FRAS1: variants seen among roughly 807,000 people sequenced by gnomAD.
FRAS1 encodes the protein extracellular matrix organizing protein FRAS1.
In FRAS1, 290 loss-of-function variants were observed where a neutral mutation model predicts 435.2. The observed-to-expected ratio is 0.67, with a 90% confidence interval of 0.61 to 0.73. The LOEUF (loss-of-function observed/expected upper bound fraction) is 0.73. FRAS1 is among the 30% of genes least tolerant of loss of function. The pLI is 0.00. For missense variants in FRAS1, 4,860 were observed against 5,001.5 expected, an observed-to-expected ratio of 0.97 and a Z score of 0.85; for synonymous variants, 1,800 against 1,851.0, an observed-to-expected ratio of 0.97 and a Z score of 0.71.
At chr4:78,378,285 T>C (rs1041590825) in intron 26 of FRAS1, among the ~76,000 whole-genome samples, 1 of 152,184 alleles carries the variant, frequency 6.6e-6, no homozygotes, top group Non-Finnish European at 1.5e-5. Flanking sequence ...TGAGTAATAT[T>C]ACATTTTGTG....
intron 47 of FRAS1, among the ~76,000 whole-genome samples, chr4:78,452,972 C>T (rs1719072015): frequency 6.6e-6 from 1 of 152,138 alleles, no homozygotes; most frequent in African/African-American, 2.4e-5. Flanking sequence ...TAAGAGTGCC[C>T]TTGGAAGGCA....
chr4:78,472,943 T>A (rs1196527071), intron 52 of FRAS1, among the ~76,000 whole-genome samples: 1 of 152,206 alleles, frequency 6.6e-6, no homozygotes, highest in Non-Finnish European at 1.5e-5. Context: ...TCCTCAATTG[T>A]ATGTTCTCTC....
intron 2 of FRAS1, among the ~76,000 whole-genome samples, chr4:78,135,801 T>C (rs1469987550): frequency 2.0e-5 from 3 of 152,202 alleles, no homozygotes; most frequent in African/African-American, 4.8e-5. Flanking sequence ...CAACTGTATG[T>C]GGAAGTCCGG....
chr4:78,476,241 T>C (rs1335519405), intron 54 of FRAS1, among the ~76,000 whole-genome samples: 1 of 152,180 alleles, frequency 6.6e-6, no homozygotes, highest in Non-Finnish European at 1.5e-5. Context: ...AAAGAGCAGG[T>C]TGACCACTGT....
chr4:78,200,525 C>T (rs1337472549), intron 2 of FRAS1, among the ~76,000 whole-genome samples: 1 of 152,138 alleles, frequency 6.6e-6, no homozygotes, highest in Non-Finnish European at 1.5e-5. Flanking sequence ...ACTTCTAACA[C>T]GTACTTGGAG....
chr4:78,507,421 G>T lies in FRAS1; in HGVS notation c.9317G>T (p.Gly3106Val). 1 of 1,609,188 alleles carries T rather than the reference G, an allele frequency of 6.2e-7. No homozygotes were observed. The highest frequency in any genetic ancestry group is 1.3e-5 in the African/African-American group (1 of 74,782). ...TCTTTTTGTTCTGTCCTTGGCGAAGGTGTGGATCATATCTTTTTTAAAGTT... is the reference window on the plus strand; with the variant it reads ...TCTTTTTGTTCTGTCCTTGGCGAAGTTGTGGATCATATCTTTTTTAAAGTT... ...PKSRVLKFSP[G>V]VDHIFFKVEI... Residue 3106 changes from glycine to valine, a missense_variant and splice_region_variant, in exon 62 of 74, where the codon GGT becomes GTT. By Grantham distance (109) the Gly-to-Val change is moderately radical. Transcript: ENST00000512123.
intron 2 of FRAS1, among the ~76,000 whole-genome samples, chr4:78,095,724 C>G (rs886370683): frequency 6.6e-6 from 1 of 152,188 alleles, no homozygotes; most frequent in Admixed American, 6.5e-5. Context: ...TCTTTTGAGA[C>G]TTATTCACTA....
At chr4:78,540,421 T>A in intron 73 of FRAS1, 110 bp from the exon 74 acceptor site, 1 of 605,444 alleles carries the variant, frequency 1.7e-6, no homozygotes, top group Non-Finnish European at 2.7e-6. Flanking sequence ...CTAATGCTTT[T>A]CTGGAAATCA....
chr4:78,480,077 T>G (rs1325387861), intron 56 of FRAS1, among the ~76,000 whole-genome samples: 1 of 152,246 alleles, frequency 6.6e-6, no homozygotes, highest in Non-Finnish European at 1.5e-5. Flanking sequence ...CTTTGTGTTA[T>G]GTACAATCCA....
intron 6 of FRAS1, among the ~76,000 whole-genome samples, chr4:78,257,728 T>C (rs1285444092): frequency 6.6e-6 from 1 of 152,164 alleles, no homozygotes; most frequent in Non-Finnish European, 1.5e-5. Context: ...AATGTAGATA[T>C]GTTTGTTAGC....
At position 78,308,265 on chromosome 4, in the gene FRAS1, C is replaced by T. The variant is rs144510719; in HGVS notation, c.1678+56C>T. 7.0e-6 allele frequency: 11 copies of T among 1,564,208 alleles called. 1 individual carries two copies. The Admixed American group carries it at 7.2e-5, about 10-fold the overall frequency. On this transcript the variant is annotated intron_variant, in intron 15 of 73. Coordinates refer to ENST00000512123, the MANE Select transcript of FRAS1 (RefSeq NM_025074.7). ...CTTTCCTTTTTCTTTTCCAGCATCT[C>T]TTGTTGTATTCAAATCATAGCACAT... is the stretch of plus-strand genomic sequence containing the variant.
chr4:78,154,064 G>A lies in FRAS1; in HGVS notation c.109-83446G>A, dbSNP rs115400530. Among the ~76,000 whole-genome samples, 826 of 151,590 alleles carry A rather than the reference G, an allele frequency of 5.4e-3. 6 individuals are homozygous for A. The highest frequency in any genetic ancestry group is 0.019 in the African/African-American group (785 of 41,366). On this transcript the variant is annotated intron_variant, in intron 2 of 73. Transcript: ENST00000512123. ...ACAAAATTTGGATTGCAGATTATTC[G>A]GTATGATTTGCTATCTTTACAGCCA...
intron 2 of FRAS1, among the ~76,000 whole-genome samples, chr4:78,159,756 C>T (rs1028954992): frequency 6.6e-6 from 1 of 152,098 alleles, no homozygotes; most frequent in African/African-American, 2.4e-5. Context: ...TGGTATGTGC[C>T]TATAATCCCA....
At chr4:78,333,497 G>A in intron 19 of FRAS1, 85 bp downstream of exon 19, 1 of 1,366,162 alleles carries the variant, frequency 7.3e-7, no homozygotes, top group Non-Finnish European at 9.9e-7. Flanking sequence ...TAGAAACCTT[G>A]TCATACCGGG....
chr4:78,472,122 G>T, intron 51 of FRAS1, 58 bp from the exon 52 acceptor site: 1 of 1,525,646 alleles, frequency 6.6e-7, no homozygotes, highest in South Asian at 1.1e-5. Context: ...GAGTCAGAGG[G>T]TCTTGTTCCT....
chr4:78,121,816 A>T (rs961428922), intron 2 of FRAS1, among the ~76,000 whole-genome samples: 11 of 152,200 alleles, frequency 7.2e-5, no homozygotes, highest in Non-Finnish European at 1.2e-4. Context: ...AATTTCACAC[A>T]GAATAGTCAT....
At chr4:78,398,158 T>C (rs192926124) in intron 29 of FRAS1, among the ~76,000 whole-genome samples, 2 of 152,324 alleles carry the variant, frequency 1.3e-5, no homozygotes, top group Admixed American at 1.3e-4. Context: ...CTGTTTCTCC[T>C]TATATACTGC....
At chr4:78,356,908 A>G (rs979028055) in intron 20 of FRAS1, among the ~76,000 whole-genome samples, 1 of 152,138 alleles carries the variant, frequency 6.6e-6, no homozygotes, top group Non-Finnish European at 1.5e-5. Context: ...ACAGAGAGAG[A>G]GAGATTCCCA....
At chr4:78,326,470 T>C (rs1380339631) in intron 18 of FRAS1, among the ~76,000 whole-genome samples, 1 of 152,058 alleles carries the variant, frequency 6.6e-6, no homozygotes, top group African/African-American at 2.4e-5. Context: ...TGGGGATAGA[T>C]AGTGAGTAAA....
Sources: allele counts gnomAD v4.1 joint callset (sites outside exome capture counted in the v4.1 genomes callset), GRCh38; gene constraint gnomAD v4.1.1; transcripts MANE v1.5; gene names NCBI Gene and HGNC (gene_info 2026-07-23, HGNC 2026-07-21).